Variants in PCDHGB4 observed in about 807,000 individuals in gnomAD.
PCDHGB4 encodes protocadherin gamma-B4.
A neutral mutation model predicts 60.5 loss-of-function variants in PCDHGB4; 38 were observed. The ratio of observed to expected loss-of-function variants is 0.63; its 90% confidence interval spans 0.48 to 0.82. PCDHGB4 has a LOEUF of 0.82. Among genes scored for constraint, PCDHGB4 ranks in the 40% least tolerant of loss-of-function variants. The probability of loss-of-function intolerance (pLI) is 0.00; values close to 1 mark genes in which losing one functional copy is unlikely to be tolerated. For synonymous variants in PCDHGB4, 456 were observed against 509.7 expected (o/e 0.89, Z 1.42); for missense variants, 1,109 against 1,209.6 (o/e 0.92, Z 1.23).
rs1375469711 is a variant in PCDHGB4, at chr5:141,512,102, C to A, written c.*929C>A. On this transcript the variant is annotated 3_prime_UTR_variant, in exon 4 of 4. Coordinates refer to ENST00000519479, the MANE Select transcript of PCDHGB4 (RefSeq NM_003736.4). ...GCCATAAACCAATAACTAGGCTGGA[C>A]CCTTCCCACTACATAATAGGGCTCA... The A allele has an allele frequency of 6.5e-6, 1 of 152,688 alleles. No individual in the cohort carries two copies. Among genetic ancestry groups the A allele is most frequent in the Non-Finnish European group, 1.5e-5 (1 of 68,070 alleles). The allele number at this position is 152,688 out of a possible 1,614,324, so 9.5% of individuals were successfully genotyped here. A position where few individuals can be genotyped will look rare whatever the true frequency, so the allele number is the denominator to read the frequency against.
chr5:141,498,726 G>T (rs2099785379), intron 2 of PCDHGB4, among the ~76,000 whole-genome samples: 1 of 152,172 alleles, frequency 6.6e-6, no homozygotes, highest in Admixed American at 6.5e-5. Context: ...GAGGTCAGGA[G>T]TTTGAGACCA....
rs17097211 is a variant in PCDHGB4 at position 141,423,498 on chromosome 5, G to A, written c.2397+33217G>A. 9.4e-4 allele frequency: 1,510 copies of A among 1,613,948 alleles called. 9 individuals are homozygous for A. In the African/African-American group the frequency reaches 0.016, roughly 17 times the overall value. ...CTTTCCTGCAAACCTATTCCCACGA[G>A]GTCTCTCTCATTGCGGACTCGCAGA... On this transcript the variant is annotated intron_variant, in intron 1 of 3. Transcript: ENST00000519479.
At position 141,511,542 on chromosome 5, in the gene PCDHGB4, A is replaced by C; in HGVS notation, c.*369A>C. The stretch of plus-strand genomic sequence containing the variant: ...CCCATGCCTCCCTCCTCCCCACCCC[A>C]CTCCAACAGTTCCTCTTTCCCGAGT... On this transcript the variant is annotated 3_prime_UTR_variant, in exon 4 of 4. Coordinates refer to ENST00000519479, the MANE Select transcript of PCDHGB4 (RefSeq NM_003736.4). 6.6e-6 allele frequency: 2 copies of C among 302,184 alleles called. No homozygotes were observed. The highest frequency in any genetic ancestry group is 3.7e-5 in the South Asian group (1 of 26,678). The allele number at this position is 302,184 out of a possible 1,614,324, so 18.7% of individuals were successfully genotyped here. A position where few individuals can be genotyped will look rare whatever the true frequency, so the allele number is the denominator to read the frequency against.
intron 1 of PCDHGB4, chr5:141,419,955 T>C: frequency 1.9e-6 from 3 of 1,614,096 alleles, no homozygotes; most frequent in Non-Finnish European, 2.5e-6. Flanking sequence ...TTGGCCTTGA[T>C]TTCTGTGCTC....
chr5:141,409,714 C>T (rs1053132512), intron 1 of PCDHGB4: 1 of 1,613,226 alleles, frequency 6.2e-7, no homozygotes, highest in Non-Finnish European at 8.5e-7. Flanking sequence ...TGTCGTCATA[C>T]GTGTCAGTGA....
Position 141,423,504 on chromosome 5 carries a change from T to G in PCDHGB4, c.2397+33223T>G, listed in dbSNP as rs1448233226. ...TGCAAACCTATTCCCACGAGGTCTCTCTCATTGCGGACTCGCAGAAGAGTC... is the reference window on the plus strand; with the variant it reads ...TGCAAACCTATTCCCACGAGGTCTCGCTCATTGCGGACTCGCAGAAGAGTC... On this transcript the variant is annotated intron_variant, in intron 1 of 3. Transcript: ENST00000519479. The G allele has an allele frequency of 3.1e-6, 5 of 1,613,770 alleles. No individual in the cohort carries two copies. The Admixed American group carries it at 8.3e-5, about 27-fold the overall frequency.
At chr5:141,394,459 G>T (rs761612403) in intron 1 of PCDHGB4, 1 of 1,614,238 alleles carries the variant, frequency 6.2e-7, no homozygotes, top group Non-Finnish European at 8.5e-7. Context: ...ATGTCACTGA[G>T]CCTGTTCGTG....
chr5:141,400,235 T>G, intron 1 of PCDHGB4: 4 of 1,614,006 alleles, frequency 2.5e-6, no homozygotes, highest in Non-Finnish European at 3.4e-6. Context: ...CTCCTGGCCG[T>G]GATTCTGGCC....
intron 1 of PCDHGB4, among the ~76,000 whole-genome samples, chr5:141,449,848 T>C (rs7713034): frequency 0.29 from 44,283 of 151,474 alleles, 7,514 homozygotes; most frequent in African/African-American, 0.48. Flanking sequence ...AATTAAATTT[T>C]AATAATAAAA....
intron 1 of PCDHGB4, among the ~76,000 whole-genome samples, chr5:141,464,300 A>G (rs1349155102): frequency 2.0e-5 from 3 of 149,898 alleles, no homozygotes; most frequent in East Asian, 1.9e-4. Context: ...ACTCCATTGT[A>G]TGTGCACATA....
chr5:141,409,657 C>T (rs13184346), intron 1 of PCDHGB4: 1 of 1,613,620 alleles, frequency 6.2e-7, no homozygotes, highest in Non-Finnish European at 8.5e-7. Context: ...GGCTCAATGG[C>T]CACATCTCCT....
intron 1 of PCDHGB4, chr5:141,421,294 A>G (rs779984795): frequency 1.9e-6 from 3 of 1,613,304 alleles, no homozygotes; most frequent in Non-Finnish European, 2.5e-6. Context: ...TTTCCTGGGG[A>G]CGCTGCGGGG....
chr5:141,393,186 G>C, intron 1 of PCDHGB4: 2 of 1,613,306 alleles, frequency 1.2e-6, no homozygotes, highest in East Asian at 4.5e-5. Context: ...AGAAATAATT[G>C]ATATTAACGA....
At chr5:141,470,124 G>A (rs1038487398) in intron 1 of PCDHGB4, among the ~76,000 whole-genome samples, 4 of 151,358 alleles carry the variant, frequency 2.6e-5, no homozygotes, top group African/African-American at 9.7e-5. Flanking sequence ...GCAAGACTTC[G>A]TCTCAAAAAA....
At chr5:141,474,002 G>A (rs1020912365) in intron 1 of PCDHGB4, among the ~76,000 whole-genome samples, 5 of 152,078 alleles carry the variant, frequency 3.3e-5, no homozygotes, top group Non-Finnish European at 5.9e-5. Context: ...CCAAGGAGCT[G>A]GAAGTTACAG....
chr5:141,477,978 T>A lies in PCDHGB4; in HGVS notation c.2398-16829T>A. ...TCCCCTAACCAGAGCCTTTTTGCCA[T>A]AGGGCTGCACACTGGTCAAATCAGT... is the stretch of plus-strand genomic sequence containing the variant. On this transcript the variant is annotated intron_variant, in intron 1 of 3. Transcript: ENST00000519479. The surrounding 1 kb of genome is among the most constrained non-coding windows in gnomAD (Gnocchi z 4.9). The A allele has an allele frequency of 6.2e-7, 1 of 1,614,120 alleles. No individual in the cohort carries two copies. Among genetic ancestry groups the A allele is most frequent in the Non-Finnish European group, 8.5e-7 (1 of 1,180,022 alleles).
chr5:141,393,792 C>T, intron 1 of PCDHGB4: 1 of 1,613,908 alleles, frequency 6.2e-7, no homozygotes, highest in Non-Finnish European at 8.5e-7. Context: ...TGTGGGGGCA[C>T]TTCTGGGGAG....
At chr5:141,415,416 G>C (rs747598923) in intron 1 of PCDHGB4, 3 of 1,614,220 alleles carry the variant, frequency 1.9e-6, no homozygotes, top group Non-Finnish European at 2.5e-6. Flanking sequence ...TTGTGGGCGT[G>C]GACGGGGTTC....
chr5:141,503,616 A>G (rs1260134621), intron 2 of PCDHGB4, among the ~76,000 whole-genome samples: 2 of 150,944 alleles, frequency 1.3e-5, no homozygotes, highest in African/African-American at 2.4e-5. Context: ...AAAAAAAAAG[A>G]AAAAAGAAAA....
Sources: gnomAD v4.1 joint callset for allele counts (sites outside exome capture counted in the v4.1 genomes callset) on GRCh38, gnomAD v4.1.1 for gene constraint, Gnocchi (gnomAD v3.1) non-coding constraint, MANE v1.5 for transcripts, NCBI Gene and HGNC (gene_info 2026-07-23, HGNC 2026-07-21) for gene names.